Variants in CLIC6 observed in about 807,000 individuals in gnomAD.
CLIC6 encodes chloride intracellular channel protein 6.
In CLIC6, 39 loss-of-function variants were observed where a neutral mutation model predicts 49.2. That is an observed-to-expected ratio of 0.79 (90% confidence interval 0.61 to 1.04). CLIC6 has a LOEUF of 1.04. CLIC6 is among the 50% of genes least tolerant of loss of function. The pLI is 0.00. For synonymous variants in CLIC6, 446 were observed against 433.4 expected (o/e 1.03, Z -0.36); for missense variants, 988 against 993.1 (o/e 0.99, Z 0.07).
intron 1 of CLIC6, among the ~76,000 whole-genome samples, chr21:34,687,727 T>C (rs1989907879): frequency 6.6e-6 from 1 of 152,258 alleles, no homozygotes; most frequent in Non-Finnish European, 1.5e-5. Context: ...GAAAAAATAC[T>C]ATACATACTT....
chr21:34,677,507 A>G (rs368254452), intron 1 of CLIC6, among the ~76,000 whole-genome samples: 3 of 152,218 alleles, frequency 2.0e-5, no homozygotes, highest in African/African-American at 7.2e-5. Flanking sequence ...AGAAATCCAG[A>G]GATAGGTGGA....
intron 5 of CLIC6, 107 bp downstream of exon 5, chr21:34,709,645 G>A: frequency 9.9e-7 from 1 of 1,008,928 alleles, no homozygotes; most frequent in South Asian, 1.7e-5. Flanking sequence ...GAAATGTGGA[G>A]ACTTGGATTA....
At chr21:34,703,237 C>G (rs1481216305) in intron 1 of CLIC6, among the ~76,000 whole-genome samples, 1 of 152,164 alleles carries the variant, frequency 6.6e-6, no homozygotes, top group Non-Finnish European at 1.5e-5. Context: ...TCCACCACCT[C>G]CAAATTGTTT....
At chr21:34,696,747 A>C (rs1990095752) in intron 1 of CLIC6, among the ~76,000 whole-genome samples, 1 of 152,156 alleles carries the variant, frequency 6.6e-6, no homozygotes, top group African/African-American at 2.4e-5. Context: ...TTATTTTGCA[A>C]CATAACCATT....
At chr21:34,677,696 A>T (rs960267874) in intron 1 of CLIC6, among the ~76,000 whole-genome samples, 2 of 152,138 alleles carry the variant, frequency 1.3e-5, no homozygotes, top group African/African-American at 4.8e-5. Context: ...CTCCTTCATC[A>T]GGGAGGAGAA....
chr21:34,679,529 A>C (rs984794066), intron 1 of CLIC6, among the ~76,000 whole-genome samples: 12 of 152,142 alleles, frequency 7.9e-5, no homozygotes, highest in African/African-American at 2.7e-4. Flanking sequence ...CAAAGTCTTA[A>C]CTCATTCCAG....
chr21:34,711,951 T>G (rs2056059395), intron 5 of CLIC6, among the ~76,000 whole-genome samples: 1 of 152,238 alleles, frequency 6.6e-6, no homozygotes, highest in East Asian at 1.9e-4. Flanking sequence ...AAATGCTTTT[T>G]AGTCCCTACT....
At chr21:34,710,595 C>T (rs9976924) in intron 5 of CLIC6, among the ~76,000 whole-genome samples, 4 of 152,120 alleles carry the variant, frequency 2.6e-5, no homozygotes, top group Admixed American at 6.5e-5. Flanking sequence ...GGGCAGGTCA[C>T]GAAGTCAGGA....
intron 1 of CLIC6, among the ~76,000 whole-genome samples, chr21:34,702,119 C>T (rs958743956): frequency 6.6e-6 from 1 of 152,170 alleles, no homozygotes; most frequent in African/African-American, 2.4e-5. Flanking sequence ...TTCAGGCCCC[C>T]GTCATTTTGT....
chr21:34,690,719 A>G lies in CLIC6; in HGVS notation c.1375-16561A>G, dbSNP rs566948840. Among the ~76,000 whole-genome samples the G allele has an allele frequency of 2.6e-5, 4 of 152,284 alleles. No homozygotes were observed. In the East Asian group the frequency reaches 5.8e-4, roughly 22 times the overall value. On this transcript the variant is annotated intron_variant, in intron 1 of 5. Coordinates refer to ENST00000349499, the MANE Select transcript of CLIC6 (RefSeq NM_053277.3). ...CCTTTGAAAACAGGAGCCTTTGAAT[A>G]TCTGCTCCTCAACTGCTTTATGGAC...
At chr21:34,705,661 G>A (rs763156040) in intron 1 of CLIC6, among the ~76,000 whole-genome samples, 11 of 152,132 alleles carry the variant, frequency 7.2e-5, no homozygotes, top group Non-Finnish European at 1.5e-4. Flanking sequence ...AGTAATCTGG[G>A]TCTATTGGTG....
intron 1 of CLIC6, among the ~76,000 whole-genome samples, chr21:34,693,491 A>G (rs373277359): frequency 6.6e-6 from 1 of 152,234 alleles, no homozygotes; most frequent in African/African-American, 2.4e-5. Context: ...TCTAAAAACC[A>G]TAGTAAGGAA....
chr21:34,670,327 C>A lies in CLIC6; in HGVS notation c.939C>A (p.Val313=), dbSNP rs967852346. 1.4e-4 allele frequency: 206 copies of A among 1,445,884 alleles called. No individual in the cohort carries two copies. The highest frequency in any genetic ancestry group is 1.8e-4 in the Non-Finnish European group (201 of 1,101,198). 89.6% of individuals were successfully genotyped at this position (1,445,884 alleles called of 1,614,324 possible). The change falls in exon 1 of 6, where the codon GTC becomes GTA. Residue 313 remains valine (V), a synonymous_variant. Coordinates refer to ENST00000349499, the MANE Select transcript of CLIC6 (RefSeq NM_053277.3). Reference sequence around the variant, plus strand: ...CGCCCCAGGCCGAGGCAATTGAGGTCGCAGCCGGGGAGAGTGCGGGGCGCA... The same window carrying A: ...CGCCCCAGGCCGAGGCAATTGAGGTAGCAGCCGGGGAGAGTGCGGGGCGCA... ...SLSPQAEAIE[V]AAGESAGRSP...
intron 1 of CLIC6, among the ~76,000 whole-genome samples, chr21:34,690,020 A>G (rs1338448523): frequency 6.6e-6 from 1 of 152,190 alleles, no homozygotes; most frequent in African/African-American, 2.4e-5. Flanking sequence ...TATTCTTGGA[A>G]AAGACTTTCA....
chr21:34,669,933 C>T lies in CLIC6; in HGVS notation c.545C>T (p.Ala182Val). ...AEGPAGDSVE[A>V]EGRVGDSVDA... Reference sequence around the variant, plus strand: ...GGCCCGGCGGGCGACAGCGTAGAGGCGGAGGGCCGGGTGGGGGACAGCGTA... The same window carrying T: ...GGCCCGGCGGGCGACAGCGTAGAGGTGGAGGGCCGGGTGGGGGACAGCGTA... Residue 182 changes from alanine (A) to valine (V), a missense_variant, in exon 1 of 6, where the codon GCG (alanine) becomes GTG (valine). This residue lies in a region of CLIC6 where 284 missense variants were observed against 278.6 expected (regional missense o/e 1.02). Transcript: ENST00000349499. The T allele has an allele frequency of 1.5e-6, 2 of 1,294,274 alleles. No individual in the cohort carries two copies. Among genetic ancestry groups the T allele is most frequent in the South Asian group, 1.8e-5 (1 of 55,762 alleles). The allele number at this position is 1,294,274 out of a possible 1,614,324, so 80.2% of individuals were successfully genotyped here.
At chr21:34,707,199 G>A in intron 1 of CLIC6, 81 bp from the exon 2 acceptor site, 1 of 1,054,664 alleles carries the variant, frequency 9.5e-7, no homozygotes, top group South Asian at 1.3e-5. Flanking sequence ...AACCTGCAAT[G>A]ATTTTGCATG....
intron 1 of CLIC6, among the ~76,000 whole-genome samples, chr21:34,697,037 T>G (rs1049877108): frequency 2.6e-5 from 4 of 152,018 alleles, no homozygotes; most frequent in African/African-American, 4.8e-5. Flanking sequence ...TGGACAGAGA[T>G]TCTTGCTTTT....
chr21:34,685,318 G>C (rs1989856581), intron 1 of CLIC6, among the ~76,000 whole-genome samples: 1 of 152,178 alleles, frequency 6.6e-6, no homozygotes, highest in Non-Finnish European at 1.5e-5. Context: ...ATTCTGATGG[G>C]GTCCTTAGGG....
At chr21:34,677,521 A>G (rs759283044) in intron 1 of CLIC6, among the ~76,000 whole-genome samples, 8 of 152,236 alleles carry the variant, frequency 5.3e-5, no homozygotes, top group Non-Finnish European at 1.0e-4. Context: ...AGGTGGATAA[A>G]GCATCTTACC....
Sources: gnomAD v4.1 joint callset for allele counts (sites outside exome capture counted in the v4.1 genomes callset) on GRCh38, gnomAD v4.1.1 for gene constraint, gnomAD v4.1.1 regional missense constraint, MANE v1.5 for transcripts, NCBI Gene and HGNC (gene_info 2026-07-23, HGNC 2026-07-21) for gene names.